The following SPAG16 variants were observed in gnomAD, a reference collection of about 807,000 sequenced individuals.
SPAG16 encodes sperm associated antigen 16, also known as sperm-associated antigen 16 protein.
A neutral mutation model predicts 80.4 loss-of-function variants in SPAG16; 86 were observed. The observed-to-expected ratio is 1.07, with a 90% confidence interval of 0.90 to 1.28. The LOEUF is 1.28. Ranked by LOEUF, SPAG16 falls within the 50% of genes most tolerant of loss-of-function variation. The probability of loss-of-function intolerance (pLI) is 0.00; values close to 1 mark genes in which losing one functional copy is unlikely to be tolerated. For missense variants in SPAG16, 870 were observed against 765.3 expected (o/e 1.14, Z -1.61); for synonymous variants, 294 against 265.9 (o/e 1.11, Z -1.03).
chr2:214,352,332 G>C (rs1439218653), intron 15 of SPAG16, among the ~76,000 whole-genome samples: 1 of 152,100 alleles, frequency 6.6e-6, no homozygotes, highest in East Asian at 1.9e-4. Flanking sequence ...TTAATGGTTT[G>C]ACACATTAGA....
rs183088731 is a variant in SPAG16, at chr2:214,242,420, G to A, written c.1720+93154G>A. Among the ~76,000 whole-genome samples the A allele has an allele frequency of 2.2e-4, 34 of 152,210 alleles. 2 individuals carry two copies. The highest frequency in any genetic ancestry group is 5.9e-4 in the Admixed American group (9 of 15,284). On this transcript the variant is annotated intron_variant, in intron 15 of 15. Coordinates refer to ENST00000331683, the MANE Select transcript of SPAG16 (RefSeq NM_024532.5). ...TAATCCTACAAATTCTGATTCACCCGTGTCAAAGAAAGGAAGGAAGCTTCA... is the reference window on the plus strand; with the variant it reads ...TAATCCTACAAATTCTGATTCACCCATGTCAAAGAAAGGAAGGAAGCTTCA...
At chr2:213,933,281 A>G (rs1472799407) in intron 12 of SPAG16, among the ~76,000 whole-genome samples, 2 of 152,222 alleles carry the variant, frequency 1.3e-5, no homozygotes, top group African/African-American at 2.4e-5. Flanking sequence ...TGACTTAACA[A>G]TGTTGGTCTG....
intron 13 of SPAG16, among the ~76,000 whole-genome samples, chr2:214,025,365 C>T (rs1373188323): frequency 6.6e-6 from 1 of 151,516 alleles, no homozygotes; most frequent in Non-Finnish European, 1.5e-5. Context: ...GTTTATTTGA[C>T]CTATCTTACT....
chr2:213,378,342 G>A (rs935363911), intron 9 of SPAG16, among the ~76,000 whole-genome samples: 12 of 152,136 alleles, frequency 7.9e-5, no homozygotes, highest in South Asian at 2.1e-4. Context: ...ACAAGTCCCC[G>A]CCTTGTCAAC....
intron 15 of SPAG16, among the ~76,000 whole-genome samples, chr2:214,289,690 G>A (rs1368340013): frequency 1.3e-5 from 2 of 152,136 alleles, no homozygotes; most frequent in Non-Finnish European, 2.9e-5. Context: ...TCCTTTGGCT[G>A]AGGATTGTTT....
At chr2:213,397,597 C>A (rs339816) in intron 9 of SPAG16, among the ~76,000 whole-genome samples, 3,893 of 152,182 alleles carry the variant, frequency 0.026, 163 homozygotes, top group African/African-American at 0.088. Context: ...ATGGATGATC[C>A]TTCTAACTCT....
At chr2:213,619,958 A>G (rs113544946) in intron 10 of SPAG16, among the ~76,000 whole-genome samples, 1,579 of 152,342 alleles carry the variant, frequency 0.01, 24 homozygotes, top group African/African-American at 0.035. Context: ...TGGTACATAT[A>G]CACAATGGAG....
At chr2:214,234,161 A>C (rs563475913) in intron 15 of SPAG16, among the ~76,000 whole-genome samples, 2 of 152,214 alleles carry the variant, frequency 1.3e-5, no homozygotes, top group Admixed American at 1.3e-4. Context: ...CTTCTGCATT[A>C]CCTTACTGAG....
intron 12 of SPAG16, among the ~76,000 whole-genome samples, chr2:213,989,139 T>C (rs955017568): frequency 1.3e-5 from 2 of 152,130 alleles, no homozygotes; most frequent in African/African-American, 4.8e-5. Context: ...TATTCTACAA[T>C]GGATTGAGAC....
At chr2:213,512,903 C>G (rs1159626689) in intron 10 of SPAG16, among the ~76,000 whole-genome samples, 1 of 152,012 alleles carries the variant, frequency 6.6e-6, no homozygotes, top group Non-Finnish European at 1.5e-5. Flanking sequence ...CCCCAAACTG[C>G]TGCTGGTAAT....
intron 9 of SPAG16, among the ~76,000 whole-genome samples, chr2:213,484,987 T>C (rs954370193): frequency 6.6e-6 from 1 of 150,940 alleles, no homozygotes; most frequent in Non-Finnish European, 1.5e-5. Context: ...GTTAGTGGAA[T>C]ATTTTTCTTT....
intron 13 of SPAG16, among the ~76,000 whole-genome samples, chr2:214,030,484 G>A (rs2048352399): frequency 6.6e-6 from 1 of 152,132 alleles, no homozygotes; most frequent in Non-Finnish European, 1.5e-5. Context: ...TATTGACATT[G>A]TAAATAGATC....
At chr2:213,846,928 T>C (rs901388718) in intron 10 of SPAG16, among the ~76,000 whole-genome samples, 1 of 152,162 alleles carries the variant, frequency 6.6e-6, no homozygotes, top group Middle Eastern at 3.2e-3. Context: ...AGGTAGAGTG[T>C]GCTTCCCATC....
intron 10 of SPAG16, among the ~76,000 whole-genome samples, chr2:213,567,228 A>ATT (rs1327441500): frequency 8.1e-6 from 1 of 122,788 alleles, no homozygotes; most frequent in African/African-American, 3.5e-5. Flanking sequence ...CTTGTTTGAC[A>ATT]TTGTTTTTTT....
intron 13 of SPAG16, among the ~76,000 whole-genome samples, chr2:214,058,074 T>C (rs2050040233): frequency 6.6e-6 from 1 of 152,168 alleles, no homozygotes; most frequent in African/African-American, 2.4e-5. Flanking sequence ...TAAGGCTGTG[T>C]CACTATCATT....
intron 10 of SPAG16, among the ~76,000 whole-genome samples, chr2:213,632,679 A>G (rs539727109): frequency 1.3e-5 from 2 of 152,104 alleles, no homozygotes; most frequent in African/African-American, 4.8e-5. Context: ...TTTATTATGA[A>G]GGAATGTTGA....
chr2:214,350,895 T>G (rs1462065875), intron 15 of SPAG16, among the ~76,000 whole-genome samples: 4 of 152,118 alleles, frequency 2.6e-5, no homozygotes, highest in Non-Finnish European at 5.9e-5. Context: ...AAGAAAGATA[T>G]CTTCCTCTGA....
At chr2:213,522,536 C>T (rs1171457577) in intron 10 of SPAG16, among the ~76,000 whole-genome samples, 1 of 152,058 alleles carries the variant, frequency 6.6e-6, no homozygotes, top group African/African-American at 2.4e-5. Context: ...ACCCCTGCCT[C>T]TCTCAGTTAC....
chr2:213,602,807 T>C (rs1213850050), intron 10 of SPAG16, among the ~76,000 whole-genome samples: 1 of 152,278 alleles, frequency 6.6e-6, no homozygotes, highest in African/African-American at 2.4e-5. Flanking sequence ...GAACTCTTTA[T>C]TGAATAAAAT....
Sources: gnomAD v4.1 joint callset for allele counts (sites outside exome capture counted in the v4.1 genomes callset) on GRCh38, gnomAD v4.1.1 for gene constraint, MANE v1.5 for transcripts, NCBI Gene and HGNC (gene_info 2026-07-23, HGNC 2026-07-21) for gene names.